The following PLD5 variants were observed in gnomAD, a reference collection of about 807,000 sequenced individuals.
PLD5 encodes the protein inactive phospholipase D5.
PLD5 carries 36 observed loss-of-function variants against 61.1 expected under a neutral mutation model. The ratio of observed to expected loss-of-function variants is 0.59; its 90% confidence interval spans 0.45 to 0.78. The LOEUF is 0.78. Ranked by LOEUF, PLD5 falls within the 30% of genes least tolerant of loss-of-function variation. PLD5 has a pLI of 0.00. For missense variants in PLD5, 515 were observed against 644.4 expected, an observed-to-expected ratio of 0.80 and a Z score of 2.17; for synonymous variants, 243 against 242.8, an observed-to-expected ratio of 1.00 and a Z score of -0.01.
chr1:242,191,163 A>C (rs889239502), intron 5 of PLD5, among the ~76,000 whole-genome samples: 1 of 150,910 alleles, frequency 6.6e-6, no homozygotes, highest in Non-Finnish European at 1.5e-5. Context: ...ATCTGTAAAC[A>C]TTCCACATAC....
At position 242,314,810 on chromosome 1, in the gene PLD5, T is replaced by TG. The variant is rs548944012; in HGVS notation, c.327-26281dup. On this transcript the variant is annotated intron_variant, in intron 2 of 9. Transcript: ENST00000536534. Reference sequence around the variant, plus strand: ...TTTAATTGTTTTACTAATTTAACTCTGATCACAAGCTTTTTTTTTTTCTAA... The same window carrying TG: ...TTTAATTGTTTTACTAATTTAACTCTGGATCACAAGCTTTTTTTTTTTCTAA... Among the ~76,000 whole-genome samples, 475 of 152,224 alleles carry TG rather than the reference T, an allele frequency of 3.1e-3. 3 individuals are homozygous for TG. The highest frequency in any genetic ancestry group is 0.01 in the African/African-American group (432 of 41,514).
At chr1:242,476,504 T>C (rs1169211272) in intron 1 of PLD5, among the ~76,000 whole-genome samples, 2 of 152,206 alleles carry the variant, frequency 1.3e-5, no homozygotes. Flanking sequence ...TAAAAACTGG[T>C]ATCAGGATTA....
At chr1:242,281,648 T>C (rs999044109) in intron 3 of PLD5, among the ~76,000 whole-genome samples, 10 of 152,172 alleles carry the variant, frequency 6.6e-5, no homozygotes, top group Non-Finnish European at 1.3e-4. Context: ...TGGTCATAAA[T>C]TTCAGGACAA....
At chr1:242,094,081 T>C (rs560799600) in intron 9 of PLD5, among the ~76,000 whole-genome samples, 1 of 152,182 alleles carries the variant, frequency 6.6e-6, no homozygotes, top group African/African-American at 2.4e-5. Flanking sequence ...AAATCACATA[T>C]ATGCTTCAGT....
At chr1:242,379,568 A>G (rs554546008) in intron 1 of PLD5, among the ~76,000 whole-genome samples, 18 of 152,162 alleles carry the variant, frequency 1.2e-4, no homozygotes, top group African/African-American at 4.3e-4. Flanking sequence ...TGGGCATACA[A>G]TCGACAGTAG....
intron 1 of PLD5, among the ~76,000 whole-genome samples, chr1:242,369,984 A>C (rs142264525): frequency 2.0e-3 from 308 of 152,240 alleles, no homozygotes; most frequent in Non-Finnish European, 3.7e-3. Flanking sequence ...TCAACCCTCC[A>C]TTTTATGTTT....
chr1:242,267,465 C>T (rs1673755488), intron 3 of PLD5, among the ~76,000 whole-genome samples: 1 of 152,164 alleles, frequency 6.6e-6, no homozygotes, highest in South Asian at 2.1e-4. Flanking sequence ...AAAAGTTGCT[C>T]AAAGTGGAGC....
Position 242,221,277 on chromosome 1 carries a change from G to A in PLD5, c.608-1162C>T, listed in dbSNP as rs1670571132. ...GGTATTTAAATAAATTTCTGCTAAA[G>A]GTCTATTCCCTTTAAAATAACAGAC... On this transcript the variant is annotated intron_variant, in intron 4 of 9. Coordinates refer to ENST00000536534, the MANE Select transcript of PLD5 (RefSeq NM_001372062.1). 1.3e-5 allele frequency among the ~76,000 whole-genome samples: 2 copies of A among 152,086 alleles called. 1 individual carries two copies. The highest frequency in any genetic ancestry group is 4.1e-4 in the South Asian group (2 of 4,828).
chr1:242,222,276 TC>T lies in PLD5; in HGVS notation c.608-2162del, dbSNP rs530010096. On this transcript the variant is annotated intron_variant, in intron 4 of 9. Coordinates refer to ENST00000536534, the MANE Select transcript of PLD5 (RefSeq NM_001372062.1). The stretch of plus-strand genomic sequence containing the variant: ...GTCTGCAGTTCTGGGGATTACATCT[TC>T]TACATATCTTTCTGGGGGATGCAAT... Among the ~76,000 whole-genome samples, 540 of 152,312 alleles carry T rather than the reference TC, an allele frequency of 3.5e-3. 6 individuals are homozygous for T. Among genetic ancestry groups the T allele is most frequent in the African/African-American group, 0.012 (515 of 41,568 alleles).
intron 5 of PLD5, among the ~76,000 whole-genome samples, chr1:242,161,087 A>G (rs1337245282): frequency 2.0e-5 from 3 of 152,066 alleles, no homozygotes. Flanking sequence ...ATTTTAATAG[A>G]TAATTTTGTG....
intron 1 of PLD5, among the ~76,000 whole-genome samples, chr1:242,394,929 C>CATT (rs1663387914): frequency 2.2e-5 from 1 of 45,784 alleles, no homozygotes; most frequent in African/African-American, 1.1e-4. Context: ...TATATGTATA[C>CATT]ATTATATGAA....
chr1:242,215,715 A>C (rs986072704), intron 5 of PLD5, among the ~76,000 whole-genome samples: 4 of 152,184 alleles, frequency 2.6e-5, no homozygotes, highest in Non-Finnish European at 5.9e-5. Flanking sequence ...ATAACCCTAC[A>C]GGACCCACAG....
At chr1:242,148,879 A>C (rs1335988810) in intron 5 of PLD5, among the ~76,000 whole-genome samples, 4 of 151,948 alleles carry the variant, frequency 2.6e-5, no homozygotes, top group Non-Finnish European at 4.4e-5. Context: ...TTATATCATA[A>C]AACTGTTCTA....
Position 242,141,364 on chromosome 1 carries a change from G to A in PLD5, c.736-16699C>T, listed in dbSNP as rs375606793. Among the ~76,000 whole-genome samples the A allele has an allele frequency of 3.0e-4, 45 of 151,740 alleles. 2 individuals carry two copies. The highest frequency in any genetic ancestry group is 2.5e-3 in the East Asian group (13 of 5,148). ...TCCTCTCCGACTGCATCTTCTGTAA[G>A]GGGCATCCAAAATTTGACTCCTTGT... On this transcript the variant is annotated intron_variant, in intron 5 of 9. Transcript: ENST00000536534.
intron 2 of PLD5, among the ~76,000 whole-genome samples, chr1:242,328,703 T>C (rs1023807474): frequency 3.9e-5 from 6 of 152,352 alleles, no homozygotes; most frequent in South Asian, 4.1e-4. Flanking sequence ...CAAAGAGTAG[T>C]AAAGAACTAC....
intron 4 of PLD5, among the ~76,000 whole-genome samples, chr1:242,233,591 G>A (rs1253008300): frequency 6.6e-6 from 1 of 152,094 alleles, no homozygotes; most frequent in African/African-American, 2.4e-5. Context: ...AGGGAGGGCT[G>A]GCGGCAGGCA....
At chr1:242,377,037 C>T in intron 1 of PLD5, 13 of 1,611,776 alleles carry the variant, frequency 8.1e-6, no homozygotes, top group Non-Finnish European at 1.0e-5. Context: ...TTTGCACTTT[C>T]TGTCTGACAC....
At chr1:242,440,762 T>C (rs1273304214) in intron 1 of PLD5, among the ~76,000 whole-genome samples, 2 of 152,196 alleles carry the variant, frequency 1.3e-5, no homozygotes, top group African/African-American at 4.8e-5. Context: ...ATCCACATGC[T>C]GAGCACAGAA....
intron 2 of PLD5, among the ~76,000 whole-genome samples, chr1:242,337,710 T>A (rs1659607001): frequency 6.6e-6 from 1 of 152,308 alleles, no homozygotes; most frequent in Non-Finnish European, 1.5e-5. Context: ...ATGAATTATC[T>A]TATTTCTGTC....
Sources: allele counts gnomAD v4.1 joint callset (sites outside exome capture counted in the v4.1 genomes callset), GRCh38; gene constraint gnomAD v4.1.1; transcripts MANE v1.5; gene names NCBI Gene and HGNC (gene_info 2026-07-23, HGNC 2026-07-21).